AGRN: variants seen among roughly 807,000 people sequenced by gnomAD.
AGRN encodes the protein agrin.
A neutral mutation model predicts 211.0 loss-of-function variants in AGRN; 106 were observed. That is an observed-to-expected ratio of 0.50 (90% CI 0.43 to 0.59). The LOEUF is 0.59. Ranked by LOEUF, AGRN falls within the 20% of genes least tolerant of loss-of-function variation. AGRN has a pLI of 0.00. For synonymous variants in AGRN, 1,525 were observed against 1,332.5 expected (o/e 1.14, Z -3.15); for missense variants, 3,040 against 2,982.6 (o/e 1.02, Z -0.45).
chr1:1,020,416 G>A, intron 1 of AGRN, 43 bp downstream of exon 1: 1 of 1,474,154 alleles, frequency 6.8e-7, no homozygotes, highest in Non-Finnish European at 9.0e-7. Context: ...GACGCCTGCC[G>A]CCCCGCCGGG....
rs772959877 is a variant in AGRN at position 1,047,683 on chromosome 1, C to T, written c.3627C>T (p.Asp1209=). The T allele has an allele frequency of 3.1e-6, 5 of 1,613,050 alleles. No homozygotes were observed. In the East Asian group the frequency reaches 8.9e-5, roughly 29 times the overall value. The change falls in exon 21 of 36, where the codon GAC becomes GAT. Residue 1209 remains aspartate, a synonymous_variant. Transcript: ENST00000379370. ...SVRAIVDVHF[D]PTTAFRAPDV... ...GCGCCATTGTGGATGTGCACTTTGACCCCAGTGAGACCTGCACCCTGGACC... is the reference window on the plus strand; with the variant it reads ...GCGCCATTGTGGATGTGCACTTTGATCCCAGTGAGACCTGCACCCTGGACC...
chr1:1,055,228 C>G lies in AGRN; in HGVS notation c.*247C>G, dbSNP rs568383209. The G allele has an allele frequency of 2.5e-5, 15 of 595,696 alleles. No individual in the cohort carries two copies. In the African/African-American group the frequency reaches 2.8e-4, roughly 11 times the overall value. 36.9% of individuals were successfully genotyped at this position (595,696 alleles called of 1,614,324 possible). The stretch of plus-strand genomic sequence containing the variant: ...CCCCTGCCTCAAGGTGCTGAGCCCC[C>G]GCCTTGCACTGCGCCTGCCCCACGG... On this transcript the variant is annotated 3_prime_UTR_variant, in exon 36 of 36. Transcript: ENST00000379370.
chr1:1,031,243 CTGTG>C lies in AGRN; in HGVS notation c.464-4027_464-4024del, dbSNP rs1221882252. Among the ~76,000 whole-genome samples the C allele has an allele frequency of 7.9e-5, 8 of 101,326 alleles. No homozygotes were observed. Among genetic ancestry groups the C allele is most frequent in the Admixed American group, 2.9e-4 (3 of 10,444 alleles). The allele number at this position is 101,326 out of a possible 152,430, so 66.5% of individuals were successfully genotyped here. Reference sequence around the variant, plus strand: ...TGGTGCTGTGAGTGTATCAGCATGTCTGTGTGTGTGCAGTGCATGGTGCTGAGTG... The same window carrying C: ...TGGTGCTGTGAGTGTATCAGCATGTCTGTGTGCAGTGCATGGTGCTGAGTG... On this transcript the variant is annotated intron_variant, in intron 2 of 35. Transcript: ENST00000379370. This position sits in a 1 kb window ranked among gnomAD's most constrained non-coding sequence, Gnocchi z 4.8.
At chr1:1,054,061 C>A in intron 34 of AGRN, 84 bp downstream of exon 34, 1 of 1,441,166 alleles carries the variant, frequency 6.9e-7, no homozygotes, top group Non-Finnish European at 9.5e-7. Context: ...TCACTTGTGA[C>A]CAGGGGTCAG....
At chr1:1,036,436 C>T (rs563054110) in intron 3 of AGRN, among the ~76,000 whole-genome samples, 21 of 152,160 alleles carry the variant, frequency 1.4e-4, no homozygotes, top group African/African-American at 4.6e-4. Context: ...AGATGGAGGC[C>T]CTCTGCTTCC....
At chr1:1,026,555 G>A (rs543260234) in intron 2 of AGRN, among the ~76,000 whole-genome samples, 3 of 152,254 alleles carry the variant, frequency 2.0e-5, no homozygotes, top group African/African-American at 4.8e-5. Flanking sequence ...GACGCCCCAC[G>A]CCCAGGGCTT....
Position 1,046,216 on chromosome 1 carries a change from C to T in AGRN, c.2862C>T (p.Ala954=), listed in dbSNP as rs1428060749. The stretch of plus-strand genomic sequence containing the variant: ...ACGAGTGTCAGCTGAAGACCATCGC[C>T]TGCCGCCAGGGCCTGCAAATCTCTA... ...YGNECQLKTI[A]CRQGLQISIQ... is the part of the protein sequence containing the mutation. Residue 954 remains alanine, a synonymous_variant, in exon 17 of 36, where the codon GCC becomes GCT. Coordinates refer to ENST00000379370, the MANE Select transcript of AGRN (RefSeq NM_198576.4). The T allele has an allele frequency of 9.3e-6, 15 of 1,613,678 alleles. No homozygotes were observed. Among genetic ancestry groups the T allele is most frequent in the Non-Finnish European group, 1.3e-5 (15 of 1,179,998 alleles).
At chr1:1,026,433 G>A (rs910581204) in intron 2 of AGRN, among the ~76,000 whole-genome samples, 8 of 152,262 alleles carry the variant, frequency 5.3e-5, no homozygotes, top group Middle Eastern at 3.4e-3. Context: ...CCCGTGCCTC[G>A]GGGCCACAGG....
At chr1:1,033,802 C>T (rs1228079498) in intron 2 of AGRN, among the ~76,000 whole-genome samples, 1 of 145,652 alleles carries the variant, frequency 6.9e-6, no homozygotes, top group Non-Finnish European at 1.5e-5. Flanking sequence ...GCGCTCCCGG[C>T]CCCGGGCCCA....
rs1182743299 is a variant in AGRN, at chr1:1,029,253, T to C, written c.464-6024T>C. ...CGGGTGCCCAACCAGAGTGTGCCTGTGTCCACACGGGAACATATGGGTGGG... is the reference window on the plus strand; with the variant it reads ...CGGGTGCCCAACCAGAGTGTGCCTGCGTCCACACGGGAACATATGGGTGGG... On this transcript the variant is annotated intron_variant, in intron 2 of 35. Coordinates refer to ENST00000379370, the MANE Select transcript of AGRN (RefSeq NM_198576.4). Among the ~76,000 whole-genome samples, 6 of 152,154 alleles carry C rather than the reference T, an allele frequency of 3.9e-5. No homozygotes were observed. The East Asian group carries it at 1.2e-3, about 29-fold the overall frequency.
rs1430731109 is a variant in AGRN at position 1,035,771 on chromosome 1, A to G, written c.511+447A>G. On this transcript the variant is annotated intron_variant, in intron 3 of 35. Coordinates refer to ENST00000379370, the MANE Select transcript of AGRN (RefSeq NM_198576.4). ...GCTGGGGGAGGGCCCTGACCTGATCAGTGACAGCTGTCTGGGGAGGGGCCT... is the reference window on the plus strand; with the variant it reads ...GCTGGGGGAGGGCCCTGACCTGATCGGTGACAGCTGTCTGGGGAGGGGCCT... 4.6e-5 allele frequency among the ~76,000 whole-genome samples: 7 copies of G among 151,336 alleles called. 2 individuals are homozygous for G. The South Asian group carries it at 1.5e-3, about 32-fold the overall frequency.
chr1:1,037,542 C>T (rs1179427738), intron 3 of AGRN, among the ~76,000 whole-genome samples: 1 of 150,514 alleles, frequency 6.6e-6, no homozygotes, highest in Non-Finnish European at 1.5e-5. Flanking sequence ...CCGCCTCCAG[C>T]GTTGCACACA....
chr1:1,054,499 C>A lies in AGRN; in HGVS notation c.5928C>A (p.Gly1976=). The change falls in exon 35 of 36, where the codon GGC becomes GGA. Residue 1976 remains glycine (G), a synonymous_variant. Transcript: ENST00000379370. ...TGGGCAATGAGGCCCCTGTGACCGG[C>A]TCCTCCCCGCTGGGCGCCACGCAGC... ...LQVGNEAPVT[G]SSPLGATQLD... is the part of the protein sequence containing the mutation. 6.2e-7 allele frequency: 1 copy of A among 1,603,376 alleles called. No homozygotes were observed.
chr1:1,032,955 G>A lies in AGRN; in HGVS notation c.464-2322G>A, dbSNP rs1406624574. Among the ~76,000 whole-genome samples the A allele has an allele frequency of 1.3e-5, 2 of 152,100 alleles. No individual in the cohort carries two copies. Among genetic ancestry groups the A allele is most frequent in the Admixed American group, 6.5e-5 (1 of 15,284 alleles). On this transcript the variant is annotated intron_variant, in intron 2 of 35. Transcript: ENST00000379370. The surrounding 1 kb of genome is among the most constrained non-coding windows in gnomAD (Gnocchi z 4.7). ...CCCTCCCTTACCCCCGGATCCCCCG[G>A]CTGGGCAGCGGCCAGGGAGAGGGGC...
At position 1,041,206 on chromosome 1, in the gene AGRN, G is replaced by T; in HGVS notation, c.761G>T (p.Ser254Ile). The change falls in exon 5 of 36, where the codon AGC becomes ATC. Residue 254 changes from serine (S) to isoleucine (I), a missense_variant. Around this residue, in one of 3 missense-constraint regions of AGRN, gnomAD observed 1,498 missense variants for 1,457.8 expected, o/e 1.03. Coordinates refer to ENST00000379370, the MANE Select transcript of AGRN (RefSeq NM_198576.4). Reference sequence around the variant, plus strand: ...GACCCCTGCTCCAACGTGACCTGCAGCTTCGGCAGCACCTGTGCGCGCTCG... The same window carrying T: ...GACCCCTGCTCCAACGTGACCTGCATCTTCGGCAGCACCTGTGCGCGCTCG... Reference protein sequence around the residue: ...SRDPCSNVTCSFGSTCARSAD... With the variant: ...SRDPCSNVTCIFGSTCARSAD... 1 of 1,469,050 alleles carries T rather than the reference G, an allele frequency of 6.8e-7. No individual in the cohort carries two copies. The highest frequency in any genetic ancestry group is 9.0e-7 in the Non-Finnish European group (1 of 1,116,110). 91.0% of individuals were successfully genotyped at this position (1,469,050 alleles called of 1,614,324 possible). A position where few individuals can be genotyped will look rare whatever the true frequency, so the allele number is the denominator to read the frequency against.
intron 14 of AGRN, 80 bp from the exon 15 acceptor site, chr1:1,045,653 G>T: frequency 6.2e-7 from 1 of 1,610,630 alleles, no homozygotes; most frequent in Non-Finnish European, 8.5e-7. Context: ...GCAGAGCCAG[G>T]GTTGGGGACC....
At chr1:1,029,365 A>ATCTATGCAGTCAGGTGGGGGGATCAGTG (rs1644595206) in intron 2 of AGRN, among the ~76,000 whole-genome samples, 1 of 57,812 alleles carries the variant, frequency 1.7e-5, no homozygotes, top group African/African-American at 6.2e-5. Context: ...GATGCCCAAT[A>ATCTATGCAGTCAGGTGGGGGGATCAGTG]TCTATGCAGG....
rs1215534973 is a variant in AGRN, at chr1:1,041,392, C to G, written c.947C>G (p.Pro316Arg). 4.5e-6 allele frequency: 7 copies of G among 1,545,284 alleles called. No homozygotes were observed. The highest frequency in any genetic ancestry group is 6.1e-6 in the Non-Finnish European group (7 of 1,152,350). Residue 316 changes from proline to arginine, a missense_variant, in exon 5 of 36, where the codon CCT (proline) becomes CGT (arginine). Pro to Arg is a moderately radical substitution (Grantham distance 103). This residue lies in a region of AGRN where 1,498 missense variants were observed against 1,457.8 expected (regional missense o/e 1.03). Transcript: ENST00000379370. ...AATGTCTTCAAGAAGTTCGACGGCC[C>G]TTGTGGTGAGCGCGGCGGCGGGCGC... ...QENVFKKFDG[P>R]CDPCQGALPD...
chr1:1,037,905 C>A (rs973346813), intron 3 of AGRN, among the ~76,000 whole-genome samples: 2 of 152,122 alleles, frequency 1.3e-5, no homozygotes, highest in African/African-American at 2.4e-5. Context: ...CCACGTGCAC[C>A]TGTCTTCAGG....
Sources: gnomAD v4.1 joint callset for allele counts (sites outside exome capture counted in the v4.1 genomes callset) on GRCh38, gnomAD v4.1.1 for gene constraint, gnomAD v4.1.1 regional missense constraint, Gnocchi (gnomAD v3.1) non-coding constraint, MANE v1.5 for transcripts, NCBI Gene and HGNC (gene_info 2026-07-23, HGNC 2026-07-21) for gene names.